Variants in STAT5B observed in about 807,000 individuals in gnomAD.
STAT5B encodes signal transducer and activator of transcription 5B.
A neutral mutation model predicts 107.8 loss-of-function variants in STAT5B; 21 were observed. The observed-to-expected ratio is 0.19, with a 90% CI of 0.14 to 0.28. The LOEUF is 0.28. Among genes scored for constraint, STAT5B ranks in the 10% least tolerant of loss-of-function variants. STAT5B has a pLI of 1.00. For synonymous variants in STAT5B, 325 were observed against 401.7 expected (o/e 0.81, Z 2.28); for missense variants, 565 against 1,008.2 (o/e 0.56, Z 5.95).
intron 1 of STAT5B, among the ~76,000 whole-genome samples, chr17:42,232,643 C>T (rs1032522041): frequency 1.3e-5 from 2 of 152,138 alleles, no homozygotes; most frequent in Admixed American, 6.6e-5. Flanking sequence ...GACACTCAGC[C>T]TGGCCATGGA....
intron 16 of STAT5B, among the ~76,000 whole-genome samples, chr17:42,205,445 C>T (rs1011817747): frequency 3.3e-5 from 5 of 152,222 alleles, no homozygotes; most frequent in African/African-American, 4.8e-5. Context: ...GACCTCAGTT[C>T]CTACCACTTA....
chr17:42,207,641 T>A lies in STAT5B; in HGVS notation c.1994A>T (p.Tyr665Phe), dbSNP rs1325835231. Residue 665 changes from tyrosine (Y) to phenylalanine (F), a missense_variant, in exon 16 of 19, where the codon TAC becomes TTC. By Grantham distance (22) the Tyr-to-Phe change is conservative (BLOSUM62 3). Coordinates refer to ENST00000293328, the MANE Select transcript of STAT5B (RefSeq NM_012448.4). The part of the protein sequence containing the change: ...SLADRLGDLN[Y>F]LIYVFPDRPK... ...CCGATCAGGAAACACGTAGATAAGG[T>A]AATTCAAGTCTCCCAAGCGGTCGGC... is the stretch of plus-strand genomic sequence containing the variant. The A allele has an allele frequency of 1.2e-6, 2 of 1,614,104 alleles. No homozygotes were observed. The highest frequency in any genetic ancestry group is 1.7e-6 in the Non-Finnish European group (2 of 1,180,016).
At chr17:42,258,589 G>C (rs553164136) in intron 1 of STAT5B, among the ~76,000 whole-genome samples, 23 of 152,370 alleles carry the variant, frequency 1.5e-4, no homozygotes, top group African/African-American at 5.3e-4. Flanking sequence ...TGAGGCACGA[G>C]AATCACTTGA....
chr17:42,259,699 A>C (rs894287577), intron 1 of STAT5B, among the ~76,000 whole-genome samples: 1 of 151,866 alleles, frequency 6.6e-6, no homozygotes, highest in African/African-American at 2.4e-5. Context: ...AGGCAGGAGA[A>C]TTGCTTGAAC....
chr17:42,243,123 TA>T (rs1247957737), intron 1 of STAT5B, among the ~76,000 whole-genome samples: 7,646 of 139,688 alleles, frequency 0.055, 581 homozygotes, highest in African/African-American at 0.18. Flanking sequence ...AATGATCAAT[TA>T]AAAAAAAAAA....
intron 1 of STAT5B, among the ~76,000 whole-genome samples, chr17:42,239,800 C>G (rs1313992156): frequency 6.6e-6 from 1 of 152,140 alleles, no homozygotes; most frequent in Non-Finnish European, 1.5e-5. Flanking sequence ...TGGGTATATG[C>G]CTAAGAGAAG....
At chr17:42,285,010 TGAAGCC>T in the STAT5B span, among the ~76,000 whole-genome samples, 1 of 152,182 alleles carries the variant, frequency 6.6e-6, no homozygotes, top group Non-Finnish European at 1.5e-5. Flanking sequence ...GTGTGCCAAC[TGAAGCC>T]TAGGCTGCAG....
chr17:42,225,007 A>C, intron 3 of STAT5B, 139 bp from the exon 4 acceptor site: 1 of 802,812 alleles, frequency 1.2e-6, no homozygotes, highest in Non-Finnish European at 2.1e-6. Context: ...AGGAACAAGA[A>C]GGCACATCAT....
chr17:42,241,941 T>G (rs752861888), intron 1 of STAT5B, among the ~76,000 whole-genome samples: 2 of 152,144 alleles, frequency 1.3e-5, no homozygotes, highest in African/African-American at 4.8e-5. Flanking sequence ...AATTCTCTTT[T>G]TAAAAAATCA....
intron 1 of STAT5B, chr17:42,269,434 C>G (rs1336675388): frequency 6.6e-6 from 1 of 152,064 alleles, no homozygotes; most frequent in Non-Finnish European, 1.5e-5. Context: ...CTTACTCTCA[C>G]CTAAAGGCTG....
intron 16 of STAT5B, among the ~76,000 whole-genome samples, chr17:42,203,356 C>G (rs2080061076): frequency 6.6e-6 from 1 of 151,906 alleles, no homozygotes; most frequent in Non-Finnish European, 1.5e-5. Flanking sequence ...ATTCTTCAAA[C>G]CATGGAAACT....
In STAT5B at chr17:42,219,818, A is replaced by G. The variant is rs758519390; in HGVS notation, c.575T>C (p.Leu192Pro). The G allele has an allele frequency of 1.2e-6, 2 of 1,614,138 alleles. No homozygotes were observed. The highest frequency in any genetic ancestry group is 1.7e-6 in the Non-Finnish European group (2 of 1,180,018). The change falls in exon 6 of 19, where the codon CTG (leucine) becomes CCG (proline). Residue 192 changes from leucine (L) to proline (P), a missense_variant. Around this residue, in one of 11 missense-constraint regions of STAT5B, gnomAD observed 56 missense variants for 104.5 expected, o/e 0.54. Transcript: ENST00000293328. The stretch of plus-strand genomic sequence containing the variant: ...CCGGCTCAGACGCTCCTGGGGGCTC[A>G]GCTGGGCCAGCGGGCCAAACTGAGC... ...IQAQFGPLAQ[L>P]SPQERLSRET...
chr17:42,206,559 ATC>A (rs1329437036), intron 16 of STAT5B, among the ~76,000 whole-genome samples: 1 of 152,172 alleles, frequency 6.6e-6, no homozygotes, highest in African/African-American at 2.4e-5. Flanking sequence ...GTTGTGTGGT[ATC>A]TGTTTTTTTG....
At position 42,241,720 on chromosome 17, in the gene STAT5B, G is replaced by A. The variant is rs376207641; in HGVS notation, c.-10-9583C>T. On this transcript the variant is annotated intron_variant, in intron 1 of 18. Transcript: ENST00000293328. ...GGCCTCCCAAAGTGTTGGGATTACAGGCCTGAGCCACCATGCCTAGCCTAG... is the reference window on the plus strand; with the variant it reads ...GGCCTCCCAAAGTGTTGGGATTACAAGCCTGAGCCACCATGCCTAGCCTAG... 9.1e-4 allele frequency among the ~76,000 whole-genome samples: 139 copies of A among 152,210 alleles called. 1 individual carries two copies. In the South Asian group the frequency reaches 0.029, roughly 32 times the overall value.
In STAT5B at chr17:42,219,710, A is replaced by C. The variant is rs773549879; in HGVS notation, c.681+2T>G. 1.2e-6 allele frequency: 2 copies of C among 1,602,704 alleles called. No individual in the cohort carries two copies. Among genetic ancestry groups the C allele is most frequent in the African/African-American group, 2.7e-5 (2 of 73,256 alleles). On this transcript the variant is annotated splice_donor_variant, in intron 6 of 18. Coordinates refer to ENST00000293328, the MANE Select transcript of STAT5B (RefSeq NM_012448.4). LOFTEE classifies it high-confidence loss of function. ...CCAGGAGAGGCCCAGGACCCCACTC[A>C]CCACGCGGTACTGCTGCAGTGTCTG...
At chr17:42,278,312 C>G (rs1465086616), upstream of STAT5B, among the ~76,000 whole-genome samples, 1 of 152,194 alleles carries the variant, frequency 6.6e-6, no homozygotes, top group Non-Finnish European at 1.5e-5. Context: ...TCCTCCTACT[C>G]GTGTTCAAGC....
intron 12 of STAT5B, 41 bp downstream of exon 12, chr17:42,215,973 G>T (rs763576977): frequency 6.3e-7 from 1 of 1,590,536 alleles, no homozygotes; most frequent in Non-Finnish European, 8.6e-7. Context: ...CATGACACCG[G>T]CATTGATTTT....
chr17:42,281,987 G>A, the STAT5B span, among the ~76,000 whole-genome samples: 1 of 152,200 alleles, frequency 6.6e-6, no homozygotes, highest in Non-Finnish European at 1.5e-5. Context: ...TGCTGCCACT[G>A]TGTGTAGAAA....
In STAT5B at chr17:42,199,956, T is replaced by G. The variant is rs981549392; in HGVS notation, c.*1782A>C. 6.6e-6 allele frequency: 1 copy of G among 152,398 alleles called. No homozygotes were observed. Among genetic ancestry groups the G allele is most frequent in the Non-Finnish European group, 1.5e-5 (1 of 68,052 alleles). The allele number at this position is 152,398 out of a possible 1,614,324, so 9.4% of individuals were successfully genotyped here. ...GGATCCCTGAGCAGGCAGGCTCTCC[T>G]TCTCACCCTTCCCCGATGCACCCAT... On this transcript the variant is annotated 3_prime_UTR_variant, in exon 19 of 19. Transcript: ENST00000293328.
Sources: gnomAD v4.1 joint callset for allele counts (sites outside exome capture counted in the v4.1 genomes callset) on GRCh38, gnomAD v4.1.1 for gene constraint, gnomAD v4.1.1 regional missense constraint, MANE v1.5 for transcripts, NCBI Gene and HGNC (gene_info 2026-07-23, HGNC 2026-07-21) for gene names.